The following PLCG2 variants were observed in gnomAD, a reference collection of about 807,000 sequenced individuals.
The protein encoded by PLCG2 is 1-phosphatidylinositol 4,5-bisphosphate phosphodiesterase gamma-2.
PLCG2 carries 69 observed loss-of-function variants against 175.6 expected under a neutral mutation model. The ratio of observed to expected loss-of-function variants is 0.39; its 90% confidence interval spans 0.32 to 0.48. PLCG2 has a LOEUF of 0.48. PLCG2 is among the 20% of genes least tolerant of loss of function. The pLI, the probability that PLCG2 is intolerant of heterozygous loss-of-function variation, is 0.91. For missense variants in PLCG2, 1,798 were observed against 1,650.9 expected (o/e 1.09, Z -1.54); for synonymous variants, 827 against 624.0 (o/e 1.33, Z -4.85).
intron 2 of PLCG2, among the ~76,000 whole-genome samples, chr16:81,830,874 A>G: frequency 6.6e-6 from 1 of 151,958 alleles, no homozygotes; most frequent in East Asian, 1.9e-4. Flanking sequence ...AGACAGCGTG[A>G]CTAGAATGTC....
intron 1 of PLCG2, among the ~76,000 whole-genome samples, chr16:81,749,012 A>G (rs1158169568): frequency 6.6e-6 from 1 of 152,154 alleles, no homozygotes; most frequent in East Asian, 1.9e-4. Flanking sequence ...TCAGGGTGGA[A>G]GATGTGGGTG....
At chr16:81,876,401 G>A (rs548028697) in intron 7 of PLCG2, among the ~76,000 whole-genome samples, 17 of 152,194 alleles carry the variant, frequency 1.1e-4, no homozygotes, top group Admixed American at 7.9e-4. Flanking sequence ...CACTGAGTGC[G>A]TAAGACCAGC....
rs1289491058 is a variant in PLCG2, at chr16:81,958,021, G to A, written c.*23G>A. ...TAGAAGCTGGGGTATGTGTGTAAGG[G>A]TATTGTGTGTGTGCGCATGTGTGTT... On this transcript the variant is annotated 3_prime_UTR_variant, in exon 33 of 33. Coordinates refer to ENST00000564138, the MANE Select transcript of PLCG2 (RefSeq NM_002661.5). The A allele has an allele frequency of 1.0e-5, 16 of 1,565,632 alleles. No individual in the cohort carries two copies. The highest frequency in any genetic ancestry group is 1.4e-5 in the African/African-American group (1 of 73,988).
intron 2 of PLCG2, among the ~76,000 whole-genome samples, chr16:81,835,747 G>A (rs776591445): frequency 4.9e-4 from 75 of 152,194 alleles, no homozygotes; most frequent in Non-Finnish European, 4.1e-4. Context: ...GAGCTTAGAA[G>A]TCTGAAATCA....
At chr16:81,780,842 C>T (rs908714118) in intron 1 of PLCG2, among the ~76,000 whole-genome samples, 1 of 152,214 alleles carries the variant, frequency 6.6e-6, no homozygotes. Context: ...GCCTCACCAA[C>T]ATGGTGAAAC....
chr16:81,814,517 A>C (rs184220726), intron 2 of PLCG2, among the ~76,000 whole-genome samples: 3 of 152,212 alleles, frequency 2.0e-5, no homozygotes, highest in East Asian at 1.9e-4. Flanking sequence ...AAATGGTGAA[A>C]TCCCATCTCT....
intron 2 of PLCG2, among the ~76,000 whole-genome samples, chr16:81,807,559 C>G (rs1309888216): frequency 6.6e-6 from 1 of 152,222 alleles, no homozygotes; most frequent in Non-Finnish European, 1.5e-5. Flanking sequence ...TGTTACAGCT[C>G]TAAGAGCTTT....
chr16:81,839,694 C>A (rs1470550193), intron 2 of PLCG2, among the ~76,000 whole-genome samples: 1 of 152,094 alleles, frequency 6.6e-6, no homozygotes, highest in African/African-American at 2.4e-5. Flanking sequence ...AAAGGGTGGG[C>A]ACCATTTAAA....
chr16:81,756,678 G>A (rs986744772), intron 2 of PLCG2, among the ~76,000 whole-genome samples: 6 of 152,196 alleles, frequency 3.9e-5, no homozygotes, highest in East Asian at 1.9e-4. Flanking sequence ...TTGAAGAGGC[G>A]TGGACTTCGT....
chr16:81,842,015 A>T, intron 2 of PLCG2, among the ~76,000 whole-genome samples: 1 of 152,308 alleles, frequency 6.6e-6, no homozygotes, highest in South Asian at 2.1e-4. Flanking sequence ...GGGCCACGTG[A>T]TTTTTATTTC....
intron 2 of PLCG2, among the ~76,000 whole-genome samples, chr16:81,804,193 C>T (rs997928897): frequency 6.6e-6 from 1 of 152,182 alleles, no homozygotes; most frequent in South Asian, 2.1e-4. Context: ...TCCAACTTCC[C>T]CATGTCCTCG....
At chr16:81,799,750 A>T (rs981194918) in intron 2 of PLCG2, among the ~76,000 whole-genome samples, 25 of 151,544 alleles carry the variant, frequency 1.6e-4, no homozygotes, top group African/African-American at 6.1e-4. Flanking sequence ...CCGCCACCAC[A>T]CTTGGCTAAT....
At chr16:81,929,436 C>A (rs893934937) in intron 24 of PLCG2, among the ~76,000 whole-genome samples, 1 of 152,224 alleles carries the variant, frequency 6.6e-6, no homozygotes, top group African/African-American at 2.4e-5. Context: ...CGCTGTGTCA[C>A]CCAGGCTGGA....
At chr16:81,762,346 A>T (rs935592031) in intron 2 of PLCG2, among the ~76,000 whole-genome samples, 1 of 152,056 alleles carries the variant, frequency 6.6e-6, no homozygotes, top group Non-Finnish European at 1.5e-5. Flanking sequence ...AGGTAGGCGG[A>T]TCACCTGAGG....
intron 2 of PLCG2, among the ~76,000 whole-genome samples, chr16:81,833,223 AAAG>A (rs1199282430): frequency 1.3e-5 from 2 of 152,192 alleles, no homozygotes; most frequent in African/African-American, 2.4e-5. Context: ...ATCACCCTTT[AAAG>A]AAGGAGTGCT....
chr16:81,959,726 C>T lies in PLCG2; in HGVS notation c.*1728C>T. The T allele has an allele frequency of 5.4e-6, 1 of 184,846 alleles. No homozygotes were observed. Among genetic ancestry groups the T allele is most frequent in the South Asian group, 2.0e-4 (1 of 5,100 alleles). 11.5% of individuals were successfully genotyped at this position (184,846 alleles called of 1,614,324 possible). On this transcript the variant is annotated 3_prime_UTR_variant, in exon 33 of 33. Transcript: ENST00000564138. ...GGTGAGAAAGGCACTGGGATGAGTG[C>T]TGCAGGCACTCTGTAGCCAGGGCCC... is the stretch of plus-strand genomic sequence containing the variant.
At chr16:81,792,676 G>A (rs1364127735) in intron 2 of PLCG2, among the ~76,000 whole-genome samples, 1 of 152,070 alleles carries the variant, frequency 6.6e-6, no homozygotes, top group Non-Finnish European at 1.5e-5. Flanking sequence ...AGGAGAAGGA[G>A]AGCTGAGTGA....
At position 81,961,668 on chromosome 16, in the gene PLCG2, T is replaced by G. The variant is rs570070825; in HGVS notation, c.*3670T>G. ...GCCTTGTTCCAGGTAAGACTGATCA[T>G]AAAAAAATGGCCCTGTTCATAAAAT... On this transcript the variant is annotated 3_prime_UTR_variant, in exon 33 of 33. Coordinates refer to ENST00000564138, the MANE Select transcript of PLCG2 (RefSeq NM_002661.5). 4.7e-6 allele frequency: 1 copy of G among 212,986 alleles called. No homozygotes were observed. Among genetic ancestry groups the G allele is most frequent in the East Asian group, 7.1e-5 (1 of 14,012 alleles). The allele number at this position is 212,986 out of a possible 1,614,324, so 13.2% of individuals were successfully genotyped here.
chr16:81,931,588 C>T lies in PLCG2; in HGVS notation c.2673C>T (p.Asp891=). The change falls in exon 25 of 33, where the codon GAC becomes GAT. Residue 891 remains aspartate (D), a synonymous_variant. Transcript: ENST00000564138. ...ATCCTCCGGTGGAGTTTGCCACAGA[C>T]AGGGTGGAGGAGCTCTTTGAGTGGT... The part of the protein sequence containing the change: ...QGDPPVEFAT[D]RVEELFEWFQ... 1 of 1,614,062 alleles carries T rather than the reference C, an allele frequency of 6.2e-7. No individual in the cohort carries two copies.
Sources: allele counts gnomAD v4.1 joint callset (sites outside exome capture counted in the v4.1 genomes callset), GRCh38; gene constraint gnomAD v4.1.1; transcripts MANE v1.5; gene names NCBI Gene and HGNC (gene_info 2026-07-23, HGNC 2026-07-21).